Variants in DRC8 observed in about 807,000 individuals in gnomAD.
The protein encoded by DRC8 is dynein regulatory complex protein 8.
At chr1:245,012,159 G>A in the DRC8 span, among the ~76,000 whole-genome samples, 10 of 152,030 alleles carry the variant, frequency 6.6e-5, no homozygotes, top group East Asian at 1.9e-4. Context: ...TTAAATTATT[G>A]GAATGCACAC....
chr1:245,033,386 T>G, the DRC8 span, among the ~76,000 whole-genome samples: 1 of 152,160 alleles, frequency 6.6e-6, no homozygotes, highest in Non-Finnish European at 1.5e-5. Context: ...GGAATGCCCT[T>G]GTCTACGTTG....
the DRC8 span, among the ~76,000 whole-genome samples, chr1:244,992,417 T>G: frequency 6.6e-6 from 1 of 152,192 alleles, no homozygotes; most frequent in Non-Finnish European, 1.5e-5. Context: ...CAAAATTTCT[T>G]AAACAACTAG....
At chr1:245,066,880 C>G in the DRC8 span, among the ~76,000 whole-genome samples, 1 of 151,932 alleles carries the variant, frequency 6.6e-6, no homozygotes, top group Non-Finnish European at 1.5e-5. Flanking sequence ...GCACTCCAGC[C>G]TGGGTGACAG....
chr1:245,057,945 C>T, the DRC8 span, among the ~76,000 whole-genome samples: 4 of 152,166 alleles, frequency 2.6e-5, no homozygotes, highest in Non-Finnish European at 5.9e-5. Flanking sequence ...TCCTCCTTCT[C>T]CTCTTCCCTT....
the DRC8 span, among the ~76,000 whole-genome samples, chr1:245,111,948 T>C: frequency 6.6e-6 from 1 of 152,192 alleles, no homozygotes; most frequent in Admixed American, 6.5e-5. Context: ...GCCAGAGGAT[T>C]GCTTGAGCCT....
At chr1:245,031,576 G>T in the DRC8 span, among the ~76,000 whole-genome samples, 1 of 152,072 alleles carries the variant, frequency 6.6e-6, no homozygotes, top group South Asian at 2.1e-4. Context: ...GCCATCCACC[G>T]ATCAGGAAAA....
chr1:244,976,742 A>G, the DRC8 span, among the ~76,000 whole-genome samples: 1 of 152,160 alleles, frequency 6.6e-6, no homozygotes, highest in Non-Finnish European at 1.5e-5. Flanking sequence ...GGTTCCTCAG[A>G]AAGTTAAAAG....
the DRC8 span, among the ~76,000 whole-genome samples, chr1:245,036,242 G>A: frequency 2.6e-5 from 4 of 152,112 alleles, no homozygotes; most frequent in Non-Finnish European, 4.4e-5. Context: ...TTTCTCCAAG[G>A]AAGATTATTT....
chr1:245,018,152 G>A, the DRC8 span, among the ~76,000 whole-genome samples: 7 of 151,254 alleles, frequency 4.6e-5, no homozygotes, highest in Non-Finnish European at 7.4e-5. Context: ...ACTTGTACCC[G>A]GGAGGCAGAG....
chr1:245,077,762 A>T, the DRC8 span, among the ~76,000 whole-genome samples: 6 of 152,222 alleles, frequency 3.9e-5, no homozygotes, highest in African/African-American at 1.4e-4. Context: ...ACTTGGAGCC[A>T]TAAAACTAGA....
chr1:244,996,249 G>C, the DRC8 span, among the ~76,000 whole-genome samples: 1 of 152,014 alleles, frequency 6.6e-6, no homozygotes, highest in African/African-American at 2.4e-5. Flanking sequence ...GTTACCCATA[G>C]GCAGCTGGTT....
the DRC8 span, among the ~76,000 whole-genome samples, chr1:245,071,749 G>A: frequency 6.6e-6 from 1 of 152,162 alleles, no homozygotes; most frequent in Non-Finnish European, 1.5e-5. Flanking sequence ...CAAACAGAAA[G>A]ATTTTACTTC....
At chr1:244,976,379 C>A in the DRC8 span, among the ~76,000 whole-genome samples, 1 of 152,272 alleles carries the variant, frequency 6.6e-6, no homozygotes, top group African/African-American at 2.4e-5. Flanking sequence ...AATAAGTTTT[C>A]TTCCTGTTTT....
the DRC8 span, among the ~76,000 whole-genome samples, chr1:245,006,923 G>T: frequency 1.3e-5 from 2 of 151,762 alleles, no homozygotes; most frequent in Non-Finnish European, 2.9e-5. Flanking sequence ...AACAGAGCAA[G>T]ACTCTGTCTC....
the DRC8 span, among the ~76,000 whole-genome samples, chr1:245,082,994 C>G: frequency 6.6e-6 from 1 of 152,120 alleles, no homozygotes; most frequent in Non-Finnish European, 1.5e-5. Flanking sequence ...CAGGCATGAG[C>G]CACCATACCC....
chr1:244,976,598 G>A, the DRC8 span, among the ~76,000 whole-genome samples: 1 of 152,182 alleles, frequency 6.6e-6, no homozygotes, highest in Non-Finnish European at 1.5e-5. Flanking sequence ...ACTACCTCAC[G>A]CCTGTTAGGA....
At chr1:244,970,001 G>C in the DRC8 span, 8 of 538,028 alleles carry the variant, frequency 1.5e-5, no homozygotes, top group East Asian at 7.0e-5. Context: ...AACAAAAATC[G>C]AGCAACGCCA....
chr1:245,085,802 C>A, the DRC8 span, among the ~76,000 whole-genome samples: 1 of 152,086 alleles, frequency 6.6e-6, no homozygotes. Context: ...TGAGGGCACC[C>A]AAATAAGGGC....
the DRC8 span, among the ~76,000 whole-genome samples, chr1:245,026,077 C>T: frequency 6.6e-6 from 1 of 152,146 alleles, no homozygotes; most frequent in Admixed American, 6.5e-5. Context: ...GGAGATTTTC[C>T]CTAATATTTT....
Sources: allele counts gnomAD v4.1 joint callset (sites outside exome capture counted in the v4.1 genomes callset), GRCh38; gene constraint gnomAD v4.1.1; transcripts MANE v1.5; gene names NCBI Gene and HGNC (gene_info 2026-07-23, HGNC 2026-07-21).